The following NADK variants were observed in gnomAD, a reference collection of about 807,000 sequenced individuals.
NADK encodes the protein NAD kinase, also known as poly(P)/ATP NAD kinase.
NADK carries 22 observed loss-of-function variants against 49.8 expected under a neutral mutation model. The ratio of observed to expected loss-of-function variants is 0.44; its 90% CI spans 0.32 to 0.63. NADK has a LOEUF of 0.63. NADK is among the 30% of genes least tolerant of loss of function. The pLI, the probability that NADK is intolerant of heterozygous loss-of-function variation, is 0.06. For synonymous variants in NADK, 268 were observed against 253.7 expected (o/e 1.06, Z -0.54); for missense variants, 438 against 609.4 (o/e 0.72, Z 2.96).
upstream of NADK, chr1:1,780,115 G>A (rs1646326397): frequency 6.6e-6 from 1 of 152,242 alleles, no homozygotes. Flanking sequence ...AAACCCAACT[G>A]TTTCAAAGTG....
intron 11 of NADK, 67 bp from the exon 12 acceptor site, chr1:1,753,127 T>C (rs1472652010): frequency 1.9e-5 from 29 of 1,526,076 alleles, no homozygotes; most frequent in East Asian, 1.4e-4. Context: ...CAAGAACCCT[T>C]CCTCCCTCCC....
chr1:1,767,164 G>A (rs1459315233), intron 1 of NADK, among the ~76,000 whole-genome samples: 2 of 152,020 alleles, frequency 1.3e-5, no homozygotes, highest in African/African-American at 2.4e-5. Flanking sequence ...TGATCTGCCC[G>A]CCTCAGCATC....
At chr1:1,757,028 C>T in intron 4 of NADK, 153 bp downstream of exon 4, 1 of 1,207,312 alleles carries the variant, frequency 8.3e-7, no homozygotes, top group Non-Finnish European at 1.2e-6. Context: ...AACCCAGACA[C>T]CCGGCAGATC....
At chr1:1,758,207 A>G (rs1036580898) in intron 3 of NADK, among the ~76,000 whole-genome samples, 1 of 152,192 alleles carries the variant, frequency 6.6e-6, no homozygotes, top group African/African-American at 2.4e-5. Context: ...CAATCGAGAA[A>G]GCTGCTGCCT....
chr1:1,756,787 G>A, intron 4 of NADK, 179 bp from the exon 5 acceptor site: 2 of 1,119,870 alleles, frequency 1.8e-6, no homozygotes, highest in Non-Finnish European at 2.7e-6. Flanking sequence ...ACCTTTAAGA[G>A]ATGACTGGGC....
At chr1:1,762,221 G>A (rs949021142) in intron 2 of NADK, among the ~76,000 whole-genome samples, 186 bp from the exon 3 acceptor site, 9 of 152,194 alleles carry the variant, frequency 5.9e-5, no homozygotes, top group African/African-American at 1.9e-4. Flanking sequence ...GCACTGGAGC[G>A]GCACCTGTGA....
chr1:1,765,883 C>A (rs914040511), intron 1 of NADK, among the ~76,000 whole-genome samples: 4 of 152,090 alleles, frequency 2.6e-5, no homozygotes, highest in African/African-American at 9.7e-5. Flanking sequence ...GCACTCCAGC[C>A]TGGGTGACTA....
intron 3 of NADK, chr1:1,758,952 T>C: frequency 4.5e-6 from 5 of 1,113,690 alleles, no homozygotes; most frequent in Non-Finnish European, 6.2e-6. Flanking sequence ...TGGAAGGGCG[T>C]TCCCTGCCTC....
intron 3 of NADK, chr1:1,759,198 G>T: frequency 6.4e-7 from 1 of 1,572,506 alleles, no homozygotes; most frequent in Non-Finnish European, 8.6e-7. Flanking sequence ...GGCACCCACC[G>T]CTGTGTGTGA....
At chr1:1,762,538 G>A (rs1483304919) in intron 2 of NADK, among the ~76,000 whole-genome samples, 2 of 152,062 alleles carry the variant, frequency 1.3e-5, no homozygotes, top group African/African-American at 4.8e-5. Context: ...GGTGGATCAC[G>A]TGAGGTCAGG....
chr1:1,761,086 C>T (rs775193454), intron 3 of NADK, among the ~76,000 whole-genome samples: 1 of 152,140 alleles, frequency 6.6e-6, no homozygotes, highest in Admixed American at 6.5e-5. Flanking sequence ...ATCTGCCTCC[C>T]GGGTTCAAGC....
intron 11 of NADK, among the ~76,000 whole-genome samples, 165 bp downstream of exon 11, chr1:1,753,402 C>T (rs780105245): frequency 6.6e-4 from 100 of 152,192 alleles, no homozygotes; most frequent in Admixed American, 2.6e-3. Flanking sequence ...ACCCGCTGCC[C>T]CCAGGACGGG....
At chr1:1,774,487 T>C (rs1296901719) in intron 1 of NADK, among the ~76,000 whole-genome samples, 1 of 152,086 alleles carries the variant, frequency 6.6e-6, no homozygotes, top group African/African-American at 2.4e-5. Context: ...ACTCTCAACC[T>C]CAGATGATCC....
At chr1:1,770,035 T>G (rs1318595774) in intron 1 of NADK, among the ~76,000 whole-genome samples, 1 of 151,398 alleles carries the variant, frequency 6.6e-6, no homozygotes, top group Non-Finnish European at 1.5e-5. Context: ...GGAGTGGTGG[T>G]GGGCACCTGT....
chr1:1,758,622 A>G, intron 3 of NADK: 4 of 1,449,212 alleles, frequency 2.8e-6, no homozygotes, highest in East Asian at 4.9e-5. Flanking sequence ...GAGACTTGGT[A>G]AAGTTGTTGT....
chr1:1,759,622 G>A (rs1393399573), intron 3 of NADK: 2 of 1,230,712 alleles, frequency 1.6e-6, no homozygotes, highest in East Asian at 5.1e-5. Flanking sequence ...CTCCACAGCG[G>A]GGATGGGAAG....
Position 1,763,885 on chromosome 1 carries a change from A to C in NADK, c.179+1343T>G, listed in dbSNP as rs142005926. Among the ~76,000 whole-genome samples the C allele has an allele frequency of 2.5e-3, 376 of 152,274 alleles. 2 individuals carry two copies. Among genetic ancestry groups the C allele is most frequent in the African/African-American group, 8.3e-3 (343 of 41,554 alleles). ...GTTCAGAATGCAACAGAAATGGTGC[A>C]TTATGCCAAAGAACCCACAGGAAAA... On this transcript the variant is annotated intron_variant, in intron 2 of 11. Transcript: ENST00000341426.
chr1:1,757,666 C>T (rs573077064), intron 3 of NADK, among the ~76,000 whole-genome samples: 32 of 152,270 alleles, frequency 2.1e-4, no homozygotes, highest in Admixed American at 1.1e-3. Context: ...GAAATGACCA[C>T]GAAAGCCCAT....
At position 1,765,175 on chromosome 1, in the gene NADK, A is replaced by C; in HGVS notation, c.179+53T>G. On this transcript the variant is annotated intron_variant, in intron 2 of 11. Coordinates refer to ENST00000341426, the MANE Select transcript of NADK (RefSeq NM_023018.5). ...TTCTTCATAATCGTTTTAAGAAAGA[A>C]TATTATGAAATCAGACGAGAAAAAA... 6 of 1,472,864 alleles carry C rather than the reference A, an allele frequency of 4.1e-6. No homozygotes were observed. The South Asian group carries it at 7.7e-5, about 19-fold the overall frequency. The allele number at this position is 1,472,864 out of a possible 1,614,324, so 91.2% of individuals were successfully genotyped here. A position where few individuals can be genotyped will look rare whatever the true frequency, so the allele number is the denominator to read the frequency against.
Sources: allele counts gnomAD v4.1 joint callset (sites outside exome capture counted in the v4.1 genomes callset), GRCh38; gene constraint gnomAD v4.1.1; transcripts MANE v1.5; gene names NCBI Gene and HGNC (gene_info 2026-07-23, HGNC 2026-07-21).